Variants in PRKCE observed in about 807,000 individuals in gnomAD.
The protein encoded by PRKCE is protein kinase C epsilon type.
In PRKCE, 16 loss-of-function variants were observed where a neutral mutation model predicts 85.4. The ratio of observed to expected loss-of-function variants is 0.19; its 90% CI spans 0.13 to 0.28. The LOEUF is 0.28. Among genes scored for constraint, PRKCE ranks in the 10% least tolerant of loss-of-function variants. PRKCE has a pLI of 1.00. For synonymous variants in PRKCE, 388 were observed against 371.5 expected (o/e 1.04, Z -0.51); for missense variants, 573 against 975.2 (o/e 0.59, Z 5.49).
intron 1 of PRKCE, among the ~76,000 whole-genome samples, chr2:45,754,020 G>C (rs937783408): frequency 2.0e-5 from 3 of 152,126 alleles, no homozygotes; most frequent in Admixed American, 6.5e-5. Flanking sequence ...AGATGAACAA[G>C]GCCTATATTC....
rs149034499 is a variant in PRKCE, at chr2:45,663,328, C to T, written c.348+10880C>T. On this transcript the variant is annotated intron_variant, in intron 1 of 14. Transcript: ENST00000306156. ...GCCATTCGGAAAATCAAGATTAACA[C>T]CCTTTTATAAAACAGTGAATTTGAA... is the stretch of plus-strand genomic sequence containing the variant. Among the ~76,000 whole-genome samples the T allele has an allele frequency of 5.6e-4, 86 of 152,222 alleles. 1 individual carries two copies. In the East Asian group the frequency reaches 0.014, roughly 24 times the overall value.
chr2:46,070,527 C>A (rs1453058206), intron 10 of PRKCE, among the ~76,000 whole-genome samples: 2 of 152,102 alleles, frequency 1.3e-5, no homozygotes, highest in Non-Finnish European at 2.9e-5. Flanking sequence ...CCTGTAGTCC[C>A]AGCTTTTCAG....
chr2:46,131,585 T>G (rs1674453330), intron 11 of PRKCE, among the ~76,000 whole-genome samples: 1 of 152,128 alleles, frequency 6.6e-6, no homozygotes, highest in African/African-American at 2.4e-5. Flanking sequence ...CTGAGCTGAT[T>G]TGGGCTGGGT....
intron 2 of PRKCE, among the ~76,000 whole-genome samples, chr2:45,917,727 G>A (rs569034805): frequency 6.6e-6 from 1 of 152,356 alleles, no homozygotes; most frequent in East Asian, 1.9e-4. Context: ...AGGGGGCGGC[G>A]CTCGTCGGGG....
chr2:45,677,011 A>G (rs1336097110), intron 1 of PRKCE: 1 of 152,222 alleles, frequency 6.6e-6, no homozygotes, highest in Non-Finnish European at 1.5e-5. Context: ...AAGGGCCCCA[A>G]ACTAGACATG....
chr2:45,892,645 T>C (rs1316430163), intron 2 of PRKCE, among the ~76,000 whole-genome samples: 1 of 152,162 alleles, frequency 6.6e-6, no homozygotes, highest in Admixed American at 6.5e-5. Context: ...CACCTGGTTT[T>C]AAAGGCTGCC....
intron 3 of PRKCE, 23 bp from the exon 4 acceptor site, chr2:45,978,953 A>G (rs372035925): frequency 8.1e-6 from 13 of 1,596,792 alleles, no homozygotes; most frequent in African/African-American, 5.4e-5. Flanking sequence ...CTTTTTTTAA[A>G]AAAATGTTAT....
At chr2:46,065,819 G>T (rs545603049) in intron 10 of PRKCE, among the ~76,000 whole-genome samples, 1 of 150,028 alleles carries the variant, frequency 6.7e-6, no homozygotes, top group African/African-American at 2.5e-5. Flanking sequence ...TCCCAGGAAA[G>T]TGTTTGCAAA....
intron 11 of PRKCE, among the ~76,000 whole-genome samples, chr2:46,087,966 A>C (rs1198114921): frequency 6.6e-6 from 1 of 152,208 alleles, no homozygotes; most frequent in Non-Finnish European, 1.5e-5. Flanking sequence ...GGCCCTAATC[A>C]GGCTTACCCA....
At chr2:45,955,654 A>G (rs1197497539) in intron 2 of PRKCE, among the ~76,000 whole-genome samples, 1 of 152,176 alleles carries the variant, frequency 6.6e-6, no homozygotes, top group African/African-American at 2.4e-5. Context: ...TGCTCATCTC[A>G]AAAACAAACC....
At chr2:46,109,578 T>C (rs1298260678) in intron 11 of PRKCE, among the ~76,000 whole-genome samples, 1 of 152,158 alleles carries the variant, frequency 6.6e-6, no homozygotes, top group Non-Finnish European at 1.5e-5. Flanking sequence ...TTCTATTATG[T>C]TTATTAATTA....
At chr2:45,998,761 T>C (rs1704425540) in intron 6 of PRKCE, among the ~76,000 whole-genome samples, 1 of 152,230 alleles carries the variant, frequency 6.6e-6, no homozygotes. Context: ...TTCCACTCAT[T>C]TTCTGCCTTT....
rs145433792 is a variant in PRKCE, at chr2:45,918,315, C to A, written c.413-58114C>A. Among the ~76,000 whole-genome samples the A allele has an allele frequency of 3.6e-3, 543 of 152,348 alleles. 7 individuals are homozygous for A. Among genetic ancestry groups the A allele is most frequent in the African/African-American group, 0.013 (526 of 41,580 alleles). ...TTTCGTTCCCCAGCAAGGGTGGGGACTGTGTAATGTAGGCTTTAGCTTTCT... is the reference window on the plus strand; with the variant it reads ...TTTCGTTCCCCAGCAAGGGTGGGGAATGTGTAATGTAGGCTTTAGCTTTCT... On this transcript the variant is annotated intron_variant, in intron 2 of 14. Coordinates refer to ENST00000306156, the MANE Select transcript of PRKCE (RefSeq NM_005400.3).
In PRKCE at chr2:45,826,501, A is replaced by C. The variant is rs189782497; in HGVS notation, c.349-16499A>C. 9.8e-5 allele frequency among the ~76,000 whole-genome samples: 15 copies of C among 152,294 alleles called. 1 individual carries two copies. The East Asian group carries it at 1.4e-3, about 14-fold the overall frequency. ...TGACCCAAACTTCAATAAAACTTTT[A>C]GTTTTTAGAGCTGTGGCTGTCAGGA... is the stretch of plus-strand genomic sequence containing the variant. On this transcript the variant is annotated intron_variant, in intron 1 of 14. Transcript: ENST00000306156.
At chr2:46,075,380 G>C (rs539995828) in intron 10 of PRKCE, among the ~76,000 whole-genome samples, 4 of 151,928 alleles carry the variant, frequency 2.6e-5, no homozygotes, top group Admixed American at 6.6e-5. Flanking sequence ...CCTAAACTTC[G>C]GCCGCAAACA....
intron 1 of PRKCE, among the ~76,000 whole-genome samples, chr2:45,838,694 C>T (rs1423604738): frequency 1.3e-5 from 2 of 152,088 alleles, no homozygotes; most frequent in Non-Finnish European, 2.9e-5. Flanking sequence ...CGCATTGCAG[C>T]CTGGATCTCC....
At chr2:46,150,311 G>A (rs1015643743) in intron 12 of PRKCE, among the ~76,000 whole-genome samples, 28 of 152,180 alleles carry the variant, frequency 1.8e-4, no homozygotes, top group Admixed American at 1.0e-3. Context: ...GAGATGGTTC[G>A]ATTCTGGCTA....
At chr2:46,012,222 G>A (rs899345193) in intron 10 of PRKCE, among the ~76,000 whole-genome samples, 11 of 152,052 alleles carry the variant, frequency 7.2e-5, no homozygotes, top group African/African-American at 9.7e-5. Context: ...AGGTACCCAC[G>A]GACAGAATCA....
intron 10 of PRKCE, among the ~76,000 whole-genome samples, chr2:46,079,889 C>T (rs1668910336): frequency 6.6e-6 from 1 of 152,164 alleles, no homozygotes; most frequent in Non-Finnish European, 1.5e-5. Context: ...GTTCTTCCAG[C>T]CAGTAGGTCA....
Sources: allele counts gnomAD v4.1 joint callset (sites outside exome capture counted in the v4.1 genomes callset), GRCh38; gene constraint gnomAD v4.1.1; transcripts MANE v1.5; gene names NCBI Gene and HGNC (gene_info 2026-07-23, HGNC 2026-07-21).